Variants in SRSF12 observed in about 807,000 individuals in gnomAD.
SRSF12 encodes the protein serine/arginine-rich splicing factor 12.
SRSF12 carries 21 observed loss-of-function variants against 34.1 expected under a neutral mutation model. The ratio of observed to expected loss-of-function variants is 0.62; its 90% CI spans 0.44 to 0.89. The LOEUF (loss-of-function observed/expected upper bound fraction) is 0.89, where lower values mean the gene tolerates loss of function less well. Among genes scored for constraint, SRSF12 ranks in the 40% least tolerant of loss-of-function variants. SRSF12 has a pLI of 0.00. For synonymous variants in SRSF12, 111 were observed against 110.8 expected, an observed-to-expected ratio of 1.00 and a Z score of -0.01; for missense variants, 278 against 327.8, an observed-to-expected ratio of 0.85 and a Z score of 1.17.
At chr6:89,103,964 C>T (rs72915625) in intron 4 of SRSF12, among the ~76,000 whole-genome samples, 25,497 of 149,508 alleles carry the variant, frequency 0.17, 2,953 homozygotes, top group Non-Finnish European at 0.25. Context: ...TAGTCAACCA[C>T]CTTTCACAAG....
chr6:89,103,957 T>C (rs1736350559), intron 4 of SRSF12, among the ~76,000 whole-genome samples: 1 of 151,636 alleles, frequency 6.6e-6, no homozygotes, highest in South Asian at 2.1e-4. Flanking sequence ...TTAACTTTAG[T>C]CAACCACCTT....
intron 1 of SRSF12, among the ~76,000 whole-genome samples, chr6:89,115,013 G>C (rs1769227299): frequency 6.6e-6 from 1 of 152,100 alleles, no homozygotes; most frequent in South Asian, 2.1e-4. Flanking sequence ...GGCCAGGCTG[G>C]TCTCAAACTC....
chr6:89,098,256 A>G lies in SRSF12; in HGVS notation c.*322T>C, dbSNP rs1768348821. The G allele has an allele frequency of 5.5e-6, 1 of 181,504 alleles. No individual in the cohort carries two copies. The highest frequency in any genetic ancestry group is 1.1e-5 in the Non-Finnish European group (1 of 87,434). 11.2% of individuals were successfully genotyped at this position (181,504 alleles called of 1,614,324 possible). On this transcript the variant is annotated 3_prime_UTR_variant, in exon 5 of 5. Coordinates refer to ENST00000452027, the MANE Select transcript of SRSF12 (RefSeq NM_080743.5). ...AATATTTGTGTAAAAGGTATTATTA[A>G]TAGTACTAATACTATGCAAGTAGAA...
At chr6:89,100,179 G>A (rs1768472311) in intron 4 of SRSF12, among the ~76,000 whole-genome samples, 1 of 152,186 alleles carries the variant, frequency 6.6e-6, no homozygotes, top group Non-Finnish European at 1.5e-5. Flanking sequence ...GTGTATGGAA[G>A]AGATTCCAAG....
In SRSF12 at chr6:89,098,399, G is replaced by T; in HGVS notation, c.*179C>A. The T allele has an allele frequency of 1.5e-6, 1 of 661,288 alleles. No individual in the cohort carries two copies. Among genetic ancestry groups the T allele is most frequent in the Non-Finnish European group, 2.3e-6 (1 of 430,502 alleles). The allele number at this position is 661,288 out of a possible 1,614,324, so 41.0% of individuals were successfully genotyped here. ...AGACAAATCATAATTTGTAGTGTGG[G>T]CCCTTTAAATGGAGACCAAATTTTT... is the stretch of plus-strand genomic sequence containing the variant. On this transcript the variant is annotated 3_prime_UTR_variant, in exon 5 of 5. Transcript: ENST00000452027.
At chr6:89,103,991 C>CT (rs55760020) in intron 4 of SRSF12, among the ~76,000 whole-genome samples, 1,662 of 81,946 alleles carry the variant, frequency 0.02, 217 homozygotes, top group African/African-American at 0.052. Context: ...TATTATATTT[C>CT]TTTTTTTTTT....
chr6:89,116,790 A>T (rs1769317590), intron 1 of SRSF12, among the ~76,000 whole-genome samples: 1 of 147,798 alleles, frequency 6.8e-6, no homozygotes, highest in Non-Finnish European at 1.5e-5. Context: ...AAAAAAAAAA[A>T]CTAAAAAATA....
At chr6:89,113,450 G>A (rs1769147213) in intron 1 of SRSF12, among the ~76,000 whole-genome samples, 1 of 151,882 alleles carries the variant, frequency 6.6e-6, no homozygotes, top group Non-Finnish European at 1.5e-5. Context: ...GGGATTATAG[G>A]CGTGAGCCAC....
In SRSF12 at chr6:89,117,888, G is replaced by A. The variant is rs1223892161; in HGVS notation, c.-1C>T. On this transcript the variant is annotated 5_prime_UTR_variant, in exon 1 of 5. Transcript: ENST00000452027. ...TGGGGGGCCTCGTGTAGCGAGACAT[G>A]ACCGCTTCCTCCGTTCCCTCCGGGT... 1.9e-6 allele frequency: 3 copies of A among 1,562,084 alleles called. No individual in the cohort carries two copies. The highest frequency in any genetic ancestry group is 5.3e-5 in the East Asian group (2 of 37,834).
Position 89,105,209 on chromosome 6 carries a change from T to C in SRSF12, c.326A>G (p.His109Arg). ...TTGGCTGGGGCTTCTTGATCTCCTG[T>C]GATCACTTGGAGAACAAGGATGACG... ...KERHPCSPSDHRRSRSPSQRR... is the reference protein window; with the variant it reads ...KERHPCSPSDRRRSRSPSQRR... Residue 109 changes from histidine to arginine, a missense_variant, in exon 4 of 5, where the codon CAC becomes CGC. His to Arg is a conservative substitution (Grantham distance 29). Transcript: ENST00000452027. The C allele has an allele frequency of 1.9e-6, 3 of 1,612,512 alleles. No homozygotes were observed. Among genetic ancestry groups the C allele is most frequent in the Non-Finnish European group, 1.7e-6 (2 of 1,179,096 alleles).
chr6:89,117,953 G>A lies in SRSF12; in HGVS notation c.-66C>T. ...TGGACTCGCTCCGTCTCCCGCTACCGCTGCTACCACCACAGGAGCTCCGCC... is the reference window on the plus strand; with the variant it reads ...TGGACTCGCTCCGTCTCCCGCTACCACTGCTACCACCACAGGAGCTCCGCC... On this transcript the variant is annotated 5_prime_UTR_variant, in exon 1 of 5. Coordinates refer to ENST00000452027, the MANE Select transcript of SRSF12 (RefSeq NM_080743.5). 2.7e-6 allele frequency: 4 copies of A among 1,486,104 alleles called. No homozygotes were observed. The South Asian group carries it at 5.0e-5, about 19-fold the overall frequency. 92.1% of individuals were successfully genotyped at this position (1,486,104 alleles called of 1,614,324 possible).
intron 2 of SRSF12, 102 bp downstream of exon 2, chr6:89,107,052 T>C (rs1276552860): frequency 3.5e-6 from 4 of 1,157,684 alleles, no homozygotes; most frequent in Non-Finnish European, 5.1e-6. Flanking sequence ...TAAACACATT[T>C]AATTAGGCAA....
rs556351872 is a variant in SRSF12, at chr6:89,098,562, C to G, written c.*16G>C. The G allele has an allele frequency of 3.1e-6, 5 of 1,591,346 alleles. No homozygotes were observed. The South Asian group carries it at 5.7e-5, about 18-fold the overall frequency. On this transcript the variant is annotated 3_prime_UTR_variant, in exon 5 of 5. Transcript: ENST00000452027. ...AACTTATATTAAAGACGGCGTGGTG[C>G]TCTTTCTGTTGCTGTTCACCAACTG...
At chr6:89,099,815 G>A (rs1298447593) in intron 4 of SRSF12, among the ~76,000 whole-genome samples, 1 of 152,022 alleles carries the variant, frequency 6.6e-6, no homozygotes, top group African/African-American at 2.4e-5. Flanking sequence ...GATTACAGGC[G>A]TGAGCTACCA....
At chr6:89,117,351 G>C (rs956243513) in intron 1 of SRSF12, among the ~76,000 whole-genome samples, 1 of 152,236 alleles carries the variant, frequency 6.6e-6, no homozygotes, top group Non-Finnish European at 1.5e-5. Flanking sequence ...TAAGGCCCGA[G>C]TACGCATTAT....
intron 1 of SRSF12, among the ~76,000 whole-genome samples, chr6:89,108,275 A>G (rs1237923443): frequency 6.6e-6 from 1 of 152,230 alleles, no homozygotes; most frequent in Non-Finnish European, 1.5e-5. Context: ...CAGTGCATTT[A>G]TATGTTAGCC....
intron 4 of SRSF12, among the ~76,000 whole-genome samples, chr6:89,099,441 C>CACATATATATATATATGTGTATATATAT (rs1768420742): frequency 7.8e-6 from 1 of 128,136 alleles, no homozygotes; most frequent in Non-Finnish European, 1.6e-5. Context: ...TATATATATA[C>CACATATATATATATATGTGTATATATAT]ACATATATAT....
At chr6:89,101,703 A>C (rs924738010) in intron 4 of SRSF12, among the ~76,000 whole-genome samples, 1 of 152,096 alleles carries the variant, frequency 6.6e-6, no homozygotes, top group Middle Eastern at 3.2e-3. Context: ...GTCTCAAAAA[A>C]AAATAAAAAT....
Position 89,102,130 on chromosome 6 carries a change from T to G in SRSF12, c.416+2989A>C, listed in dbSNP as rs188753133. The stretch of plus-strand genomic sequence containing the variant: ...GAGAATGATAACACCATGTAGAGCC[T>G]CTTCAATTTTTGGTTTTGTTTGTTT... On this transcript the variant is annotated intron_variant, in intron 4 of 4. Coordinates refer to ENST00000452027, the MANE Select transcript of SRSF12 (RefSeq NM_080743.5). Among the ~76,000 whole-genome samples, 753 of 150,734 alleles carry G rather than the reference T, an allele frequency of 5.0e-3. 3 individuals carry two copies. The highest frequency in any genetic ancestry group is 7.0e-3 in the Non-Finnish European group (479 of 67,974).
Sources: gnomAD v4.1 joint callset for allele counts (sites outside exome capture counted in the v4.1 genomes callset) on GRCh38, gnomAD v4.1.1 for gene constraint, MANE v1.5 for transcripts, NCBI Gene and HGNC (gene_info 2026-07-23, HGNC 2026-07-21) for gene names.